Variants in THSD7B observed in about 807,000 individuals in gnomAD.
The protein encoded by THSD7B is thrombospondin type-1 domain-containing protein 7B.
In THSD7B, 138 loss-of-function variants were observed where a neutral mutation model predicts 213.6. The observed-to-expected ratio is 0.65, with a 90% confidence interval of 0.56 to 0.74. THSD7B has a LOEUF of 0.74. THSD7B is among the 30% of genes least tolerant of loss of function. The pLI is 0.00. For missense variants in THSD7B, 1,931 were observed against 1,991.5 expected, an observed-to-expected ratio of 0.97 and a Z score of 0.58; for synonymous variants, 742 against 687.0, an observed-to-expected ratio of 1.08 and a Z score of -1.25.
chr2:137,318,641 C>G (rs796167546), intron 12 of THSD7B, among the ~76,000 whole-genome samples: 12 of 152,266 alleles, frequency 7.9e-5, no homozygotes, highest in African/African-American at 2.9e-4. Flanking sequence ...CTACTCCTTC[C>G]TAGCACAGAA....
chr2:136,872,620 CTCTTTCTTTTCTT>C (rs771032159), intron 1 of THSD7B, among the ~76,000 whole-genome samples: 1,325 of 126,586 alleles, frequency 0.01, 15 homozygotes, highest in South Asian at 0.025. Flanking sequence ...TTTCTTCTTT[CTCTTTCTTTTCTT>C]TCTTTCTTTT....
At chr2:137,287,699 C>A (rs1174458294) in intron 12 of THSD7B, among the ~76,000 whole-genome samples, 2 of 151,972 alleles carry the variant, frequency 1.3e-5, no homozygotes, top group African/African-American at 4.8e-5. Context: ...ACAGAGTAAC[C>A]CTTTCTTGTA....
chr2:136,998,346 C>G (rs1429244043), intron 2 of THSD7B, among the ~76,000 whole-genome samples: 1 of 150,288 alleles, frequency 6.7e-6, no homozygotes, highest in Non-Finnish European at 1.5e-5. Flanking sequence ...GTTTTTTTCC[C>G]TTTGTTTTTC....
chr2:136,969,394 G>A (rs995882730), intron 2 of THSD7B, among the ~76,000 whole-genome samples: 1 of 152,134 alleles, frequency 6.6e-6, no homozygotes, highest in Non-Finnish European at 1.5e-5. Context: ...ATTAAAGTTA[G>A]TTGCTCCAGT....
At chr2:137,559,550 T>G (rs192429893) in intron 15 of THSD7B, among the ~76,000 whole-genome samples, 3 of 152,288 alleles carry the variant, frequency 2.0e-5, no homozygotes, top group African/African-American at 7.2e-5. Flanking sequence ...TTACACAGTA[T>G]ACAAAAATTA....
chr2:136,995,379 A>G (rs1242503529), intron 2 of THSD7B, among the ~76,000 whole-genome samples: 1 of 152,194 alleles, frequency 6.6e-6, no homozygotes, highest in Non-Finnish European at 1.5e-5. Flanking sequence ...TCTGGAATAC[A>G]GAGGCAGCAA....
At chr2:136,969,351 T>A (rs1189157043) in intron 2 of THSD7B, among the ~76,000 whole-genome samples, 2 of 152,224 alleles carry the variant, frequency 1.3e-5, no homozygotes, top group African/African-American at 4.8e-5. Flanking sequence ...TATTTCTAGA[T>A]CTGACTCTCT....
At chr2:136,864,588 T>A (rs1683303616) in intron 1 of THSD7B, among the ~76,000 whole-genome samples, 1 of 152,106 alleles carries the variant, frequency 6.6e-6, no homozygotes, top group Non-Finnish European at 1.5e-5. Context: ...AGTCTCACTC[T>A]GTTGCCCAGG....
chr2:136,781,181 C>T (rs990317778), intron 1 of THSD7B, among the ~76,000 whole-genome samples: 11 of 151,452 alleles, frequency 7.3e-5, no homozygotes, highest in African/African-American at 2.7e-4. Context: ...GGTGGTGGGG[C>T]GTTGTGCAAG....
At chr2:137,537,549 G>T (rs1217453679) in intron 15 of THSD7B, among the ~76,000 whole-genome samples, 2 of 151,618 alleles carry the variant, frequency 1.3e-5, no homozygotes, top group African/African-American at 4.8e-5. Context: ...ATGATGGGTT[G>T]TATAACTCTA....
chr2:137,060,434 AC>A (rs777571485), intron 3 of THSD7B, among the ~76,000 whole-genome samples: 4 of 151,816 alleles, frequency 2.6e-5, no homozygotes, highest in Non-Finnish European at 5.9e-5. Flanking sequence ...ATATCACTAA[AC>A]CCAAAGTCAA....
chr2:137,411,009 G>A (rs181906936), intron 13 of THSD7B, among the ~76,000 whole-genome samples: 91 of 152,308 alleles, frequency 6.0e-4, no homozygotes, highest in African/African-American at 2.1e-3. Context: ...AATTGGTAAG[G>A]TAAAGTCATA....
chr2:137,112,059 A>G (rs1220086276), intron 4 of THSD7B, among the ~76,000 whole-genome samples: 1 of 152,126 alleles, frequency 6.6e-6, no homozygotes, highest in Non-Finnish European at 1.5e-5. Context: ...CTGGAGGACT[A>G]TCGCTGTAAC....
intron 3 of THSD7B, 59 bp from the exon 4 acceptor site, chr2:137,094,814 T>A: frequency 6.5e-7 from 1 of 1,549,978 alleles, no homozygotes; most frequent in Non-Finnish European, 8.7e-7. Flanking sequence ...AGGCACTTTA[T>A]AATGTTAGTT....
At chr2:137,587,362 T>C (rs899773012) in intron 17 of THSD7B, among the ~76,000 whole-genome samples, 10 of 152,236 alleles carry the variant, frequency 6.6e-5, no homozygotes, top group Non-Finnish European at 1.5e-4. Context: ...CATCTAGCTT[T>C]GTTCCGTTGC....
intron 14 of THSD7B, among the ~76,000 whole-genome samples, chr2:137,448,838 A>AC (rs1233982191): frequency 5.3e-5 from 8 of 151,488 alleles, no homozygotes; most frequent in East Asian, 1.9e-4. Flanking sequence ...AACAACAACA[A>AC]AAACTACCCT....
At chr2:137,669,141 T>C (rs1043483528) in intron 27 of THSD7B, among the ~76,000 whole-genome samples, 6 of 152,308 alleles carry the variant, frequency 3.9e-5, no homozygotes, top group Non-Finnish European at 7.4e-5. Flanking sequence ...AATATATTTA[T>C]ATTCATCATC....
chr2:136,856,970 T>C (rs532507095), intron 1 of THSD7B, among the ~76,000 whole-genome samples: 1 of 152,332 alleles, frequency 6.6e-6, no homozygotes, highest in Non-Finnish European at 1.5e-5. Context: ...TAATTTTACT[T>C]TTCTTATTTT....
At chr2:137,639,385 C>T (rs559736023) in intron 20 of THSD7B, among the ~76,000 whole-genome samples, 65 of 152,324 alleles carry the variant, frequency 4.3e-4, no homozygotes, top group African/African-American at 1.1e-3. Context: ...TGTATGGAAA[C>T]GCCTGCGTGC....
Sources: gnomAD v4.1 joint callset for allele counts (sites outside exome capture counted in the v4.1 genomes callset) on GRCh38, gnomAD v4.1.1 for gene constraint, MANE v1.5 for transcripts, NCBI Gene and HGNC (gene_info 2026-07-23, HGNC 2026-07-21) for gene names.